ADAM7: variants seen among roughly 807,000 people sequenced by gnomAD.
The protein encoded by ADAM7 is ADAM metallopeptidase domain 7.
Under a neutral mutation model 102.9 loss-of-function variants are expected in ADAM7, and 97 were observed. The observed-to-expected ratio is 0.94, with a 90% CI of 0.80 to 1.12. The LOEUF is 1.12. Among genes scored for constraint, ADAM7 ranks in the 50% most tolerant of loss-of-function variants. The pLI is 0.00. For synonymous variants in ADAM7, 334 were observed against 304.4 expected (o/e 1.10, Z -1.01); for missense variants, 991 against 908.7 (o/e 1.09, Z -1.16).
At chr8:24,507,161 T>C (rs1820978666) in intron 20 of ADAM7, among the ~76,000 whole-genome samples, 2 of 152,078 alleles carry the variant, frequency 1.3e-5, no homozygotes, top group African/African-American at 4.8e-5. Flanking sequence ...GGAATGAAAG[T>C]GCTAATACTT....
At chr8:24,486,384 C>T (rs1447206487) in intron 10 of ADAM7, among the ~76,000 whole-genome samples, 3 of 152,116 alleles carry the variant, frequency 2.0e-5, no homozygotes, top group Non-Finnish European at 4.4e-5. Flanking sequence ...ATAGAAACTT[C>T]GTCTTTAAGA....
intron 16 of ADAM7, among the ~76,000 whole-genome samples, chr8:24,495,444 C>T (rs375805668): frequency 6.6e-6 from 1 of 150,912 alleles, no homozygotes; most frequent in Non-Finnish European, 1.5e-5. Context: ...CCAGAAAAGA[C>T]GTATAAAATA....
chr8:24,492,257 T>C, intron 14 of ADAM7, 159 bp downstream of exon 14: 1 of 757,582 alleles, frequency 1.3e-6, no homozygotes, highest in South Asian at 2.0e-5. Flanking sequence ...TCATATTAGT[T>C]GATCTTACGT....
intron 12 of ADAM7, among the ~76,000 whole-genome samples, chr8:24,489,550 T>C (rs569695359): frequency 9.2e-5 from 14 of 152,330 alleles, no homozygotes; most frequent in African/African-American, 3.4e-4. Context: ...ATGACCTTGC[T>C]GGAGATCAGC....
chr8:24,445,451 G>A (rs1313783568), intron 2 of ADAM7, among the ~76,000 whole-genome samples: 3 of 152,130 alleles, frequency 2.0e-5, no homozygotes, highest in Non-Finnish European at 4.4e-5. Flanking sequence ...AGCTCTACAA[G>A]TTAAACAAAT....
At position 24,495,505 on chromosome 8, in the gene ADAM7, A is replaced by G. The variant is rs567331614; in HGVS notation, c.1842+2276A>G. 5.9e-5 allele frequency among the ~76,000 whole-genome samples: 9 copies of G among 152,354 alleles called. No homozygotes were observed. The South Asian group carries it at 6.2e-4, about 11-fold the overall frequency. ...CGGAAAAATTACAATACTGGAATAA[A>G]AATATTCAGTGAATGAGTTCAACAG... On this transcript the variant is annotated intron_variant, in intron 16 of 21. Transcript: ENST00000175238.
intron 16 of ADAM7, 147 bp downstream of exon 16, chr8:24,493,376 C>A (rs1820437346): frequency 7.5e-6 from 5 of 663,422 alleles, no homozygotes; most frequent in Non-Finnish European, 1.2e-5. Context: ...AGCAGAGTAG[C>A]AATAACACTG....
chr8:24,466,744 A>G, intron 5 of ADAM7, 55 bp from the exon 6 acceptor site: 3 of 1,525,684 alleles, frequency 2.0e-6, no homozygotes, highest in Non-Finnish European at 1.8e-6. Context: ...AGTCAATACA[A>G]TGAAATAGAG....
At chr8:24,453,888 A>C (rs1305033625) in intron 3 of ADAM7, among the ~76,000 whole-genome samples, 1 of 152,224 alleles carries the variant, frequency 6.6e-6, no homozygotes, top group Non-Finnish European at 1.5e-5. Context: ...CCTCAGCTGC[A>C]GGTCTGTTGG....
chr8:24,503,971 C>G (rs1820854688), intron 20 of ADAM7, among the ~76,000 whole-genome samples: 2 of 151,106 alleles, frequency 1.3e-5, no homozygotes, highest in Non-Finnish European at 2.9e-5. Flanking sequence ...CACGTGTATA[C>G]CTATGTAATA....
rs1050647070 is a variant in ADAM7, at chr8:24,508,907, A to G, written c.*361A>G. The G allele has an allele frequency of 9.2e-7, 1 of 1,089,890 alleles. No individual in the cohort carries two copies. Among genetic ancestry groups the G allele is most frequent in the African/African-American group, 1.6e-5 (1 of 61,104 alleles). The allele number at this position is 1,089,890 out of a possible 1,614,324, so 67.5% of individuals were successfully genotyped here. ...ATGATAACTTACAGTCTAAGAAGAA[A>G]ACATTGCATATAAAAAGTTACTTTT... On this transcript the variant is annotated 3_prime_UTR_variant, in exon 22 of 22. Transcript: ENST00000175238.
intron 16 of ADAM7, among the ~76,000 whole-genome samples, chr8:24,497,239 G>A (rs1431363907): frequency 6.6e-6 from 1 of 152,166 alleles, no homozygotes; most frequent in Non-Finnish European, 1.5e-5. Context: ...GGAACTGTAA[G>A]TTCAATTAAA....
chr8:24,478,986 C>A (rs1023416900), intron 8 of ADAM7, among the ~76,000 whole-genome samples: 1 of 152,188 alleles, frequency 6.6e-6, no homozygotes, highest in African/African-American at 2.4e-5. Context: ...GCATATTCAT[C>A]TAGTGTTACT....
chr8:24,480,994 C>A (rs1464397549), intron 8 of ADAM7, among the ~76,000 whole-genome samples: 5 of 152,096 alleles, frequency 3.3e-5, no homozygotes, highest in Non-Finnish European at 7.4e-5. Flanking sequence ...CGCAGGAGTT[C>A]AACTTTGCAA....
At chr8:24,449,222 T>C (rs952238913) in intron 3 of ADAM7, among the ~76,000 whole-genome samples, 41 of 152,156 alleles carry the variant, frequency 2.7e-4, no homozygotes, top group African/African-American at 9.2e-4. Flanking sequence ...CCTGAGGAAT[T>C]GCCACACTGA....
intron 8 of ADAM7, among the ~76,000 whole-genome samples, chr8:24,479,603 C>T (rs1038487330): frequency 2.6e-5 from 4 of 152,068 alleles, no homozygotes; most frequent in East Asian, 1.9e-4. Flanking sequence ...TGGTTGTTGG[C>T]GTCCATGGAG....
intron 7 of ADAM7, among the ~76,000 whole-genome samples, chr8:24,471,302 A>G (rs1819594600): frequency 6.6e-6 from 1 of 152,076 alleles, no homozygotes; most frequent in East Asian, 1.9e-4. Flanking sequence ...ATACTTGTGT[A>G]AATATAGTGT....
At chr8:24,477,796 T>G (rs567363213) in intron 8 of ADAM7, among the ~76,000 whole-genome samples, 5 of 152,128 alleles carry the variant, frequency 3.3e-5, no homozygotes, top group Non-Finnish European at 1.5e-5. Context: ...CCTTCCCCTA[T>G]GTGGTTTTCA....
intron 3 of ADAM7, 28 bp downstream of exon 3, chr8:24,447,290 T>C (rs755752012): frequency 1.1e-5 from 14 of 1,302,266 alleles, no homozygotes; most frequent in Non-Finnish European, 1.4e-5. Context: ...TCCAGTACCT[T>C]ATAGATTTTA....
Sources: gnomAD v4.1 joint callset for allele counts (sites outside exome capture counted in the v4.1 genomes callset) on GRCh38, gnomAD v4.1.1 for gene constraint, MANE v1.5 for transcripts, NCBI Gene and HGNC (gene_info 2026-07-23, HGNC 2026-07-21) for gene names.